The following CTNNA2 variants were observed in gnomAD, a reference collection of about 807,000 sequenced individuals.
CTNNA2 encodes catenin alpha 2, also known as catenin alpha-2.
In CTNNA2, 42 loss-of-function variants were observed where a neutral mutation model predicts 101.0. The observed-to-expected ratio is 0.42, with a 90% confidence interval of 0.32 to 0.54. CTNNA2 has a LOEUF of 0.54. CTNNA2 is among the 20% of genes least tolerant of loss of function. The pLI is 0.14. For synonymous variants in CTNNA2, 450 were observed against 456.4 expected, an observed-to-expected ratio of 0.99 and a Z score of 0.18; for missense variants, 871 against 1,223.1, an observed-to-expected ratio of 0.71 and a Z score of 4.29.
chr2:80,076,993 C>T (rs1275621107), intron 7 of CTNNA2, among the ~76,000 whole-genome samples: 5 of 152,054 alleles, frequency 3.3e-5, no homozygotes, highest in Admixed American at 3.3e-4. Flanking sequence ...TTGCAGTGAG[C>T]CAAGATCACG....
intron 7 of CTNNA2, among the ~76,000 whole-genome samples, chr2:80,377,943 A>G (rs1190042699): frequency 6.6e-6 from 1 of 152,200 alleles, no homozygotes. Context: ...TGTCACTACA[A>G]GACTTTATTG....
intron 7 of CTNNA2, among the ~76,000 whole-genome samples, chr2:80,360,063 C>T (rs1335416319): frequency 1.3e-5 from 2 of 152,074 alleles, no homozygotes; most frequent in Non-Finnish European, 2.9e-5. Flanking sequence ...TTCCTTTTAG[C>T]AAAGTTTTGT....
chr2:80,052,288 G>C (rs1403964836), intron 7 of CTNNA2, among the ~76,000 whole-genome samples: 2 of 152,152 alleles, frequency 1.3e-5, no homozygotes, highest in Admixed American at 6.5e-5. Context: ...GTGTCCTTCT[G>C]TATATCTCAA....
intron 2 of CTNNA2, among the ~76,000 whole-genome samples, chr2:79,711,983 C>G (rs6716900): frequency 0.26 from 39,801 of 151,984 alleles, 7,215 homozygotes; most frequent in African/African-American, 0.52. Flanking sequence ...GGGTGGGCTA[C>G]TTTTCACTCA....
chr2:79,528,598 A>G (rs1672559287), intron 1 of CTNNA2, among the ~76,000 whole-genome samples: 1 of 152,102 alleles, frequency 6.6e-6, no homozygotes, highest in Non-Finnish European at 1.5e-5. Context: ...AAATCAAATA[A>G]TTATTTGTGG....
chr2:80,313,456 A>G, intron 7 of CTNNA2: 1 of 1,512,868 alleles, frequency 6.6e-7, no homozygotes, highest in Non-Finnish European at 8.9e-7. Context: ...GTAACAAACC[A>G]ATATTATTCA....
intron 7 of CTNNA2, among the ~76,000 whole-genome samples, chr2:80,063,445 G>GA (rs563623274): frequency 6.6e-6 from 1 of 152,042 alleles, no homozygotes; most frequent in Non-Finnish European, 1.5e-5. Context: ...AAAAATAAAA[G>GA]AAAAAAAGAA....
chr2:79,326,406 T>A (rs1419773351), intron 3 of CTNNA2, among the ~76,000 whole-genome samples: 1 of 152,010 alleles, frequency 6.6e-6, no homozygotes, highest in African/African-American at 2.4e-5. Flanking sequence ...GTCAAGACTG[T>A]TTGGGCTTAT....
At chr2:80,559,237 G>T (rs534806346) in intron 12 of CTNNA2, among the ~76,000 whole-genome samples, 29 of 152,328 alleles carry the variant, frequency 1.9e-4, no homozygotes, top group African/African-American at 7.0e-4. Flanking sequence ...AGTGAAAAGG[G>T]AGTGGGGTTG....
At chr2:79,503,435 G>GTA (rs1671346669) in intron 4 of CTNNA2, among the ~76,000 whole-genome samples, 7 of 152,134 alleles carry the variant, frequency 4.6e-5, no homozygotes, top group African/African-American at 1.7e-4. Context: ...GTACTACATT[G>GTA]CTTCTGACCA....
intron 2 of CTNNA2, among the ~76,000 whole-genome samples, chr2:79,237,258 C>T (rs1674568935): frequency 6.6e-6 from 1 of 152,154 alleles, no homozygotes; most frequent in South Asian, 2.1e-4. Flanking sequence ...GGTGCATTAT[C>T]TATATACAGT....
At chr2:79,801,120 A>C (rs962449148) in intron 3 of CTNNA2, among the ~76,000 whole-genome samples, 2 of 152,292 alleles carry the variant, frequency 1.3e-5, no homozygotes, top group Non-Finnish European at 2.9e-5. Flanking sequence ...GGTTTTGCTA[A>C]ATGTAAATTT....
At chr2:79,892,169 A>G (rs1370134089) in intron 6 of CTNNA2, among the ~76,000 whole-genome samples, 4 of 152,210 alleles carry the variant, frequency 2.6e-5, no homozygotes, top group Non-Finnish European at 1.5e-5. Context: ...ATATACATAC[A>G]GACACTTCAG....
intron 7 of CTNNA2, among the ~76,000 whole-genome samples, chr2:80,239,912 CA>C (rs56873382): frequency 0.19 from 26,913 of 139,644 alleles, 3,779 homozygotes; most frequent in African/African-American, 0.4. Flanking sequence ...GACTCCATCT[CA>C]AAAAAAAAAA....
At chr2:79,995,477 G>T (rs1692475673) in intron 7 of CTNNA2, among the ~76,000 whole-genome samples, 2 of 152,062 alleles carry the variant, frequency 1.3e-5, no homozygotes, top group African/African-American at 4.8e-5. Flanking sequence ...CTACACAGAA[G>T]AATAAAATAA....
intron 14 of CTNNA2, among the ~76,000 whole-genome samples, chr2:80,586,770 A>T (rs1199167404): frequency 6.6e-6 from 1 of 152,142 alleles, no homozygotes; most frequent in Admixed American, 6.6e-5. Flanking sequence ...TTAAATATGG[A>T]TTAAAATTTA....
intron 9 of CTNNA2, among the ~76,000 whole-genome samples, chr2:80,516,752 A>G (rs1434113351): frequency 1.3e-5 from 2 of 152,328 alleles, no homozygotes; most frequent in East Asian, 3.9e-4. Context: ...TTACCTGCCA[A>G]GGACAGAATT....
chr2:80,558,572 T>A lies in CTNNA2; in HGVS notation c.1741+2679T>A, dbSNP rs537367684. On this transcript the variant is annotated intron_variant, in intron 12 of 18. Coordinates refer to ENST00000402739, the MANE Select transcript of CTNNA2 (RefSeq NM_001282597.3). ...AGACATAAGATATATGTCCTCAAAATAGAAACCCTGTGCATGTCCCTGATG... is the reference window on the plus strand; with the variant it reads ...AGACATAAGATATATGTCCTCAAAAAAGAAACCCTGTGCATGTCCCTGATG... Among the ~76,000 whole-genome samples, 15 of 152,174 alleles carry A rather than the reference T, an allele frequency of 9.9e-5. No homozygotes were observed. In the East Asian group the frequency reaches 2.9e-3, roughly 29 times the overall value.
chr2:80,454,607 A>G (rs1463299843), intron 9 of CTNNA2, among the ~76,000 whole-genome samples: 2 of 152,338 alleles, frequency 1.3e-5, no homozygotes, highest in Admixed American at 6.5e-5. Context: ...AGGTTCTGCC[A>G]GGGAGATAAG....
Sources: allele counts gnomAD v4.1 joint callset (sites outside exome capture counted in the v4.1 genomes callset), GRCh38; gene constraint gnomAD v4.1.1; transcripts MANE v1.5; gene names NCBI Gene and HGNC (gene_info 2026-07-23, HGNC 2026-07-21).